Variants in ROS1 observed in about 807,000 individuals in gnomAD.
ROS1 encodes ROS proto-oncogene 1, receptor tyrosine kinase.
Under a neutral mutation model 273.5 loss-of-function variants are expected in ROS1, and 263 were observed. That is an observed-to-expected ratio of 0.96 (90% CI 0.87 to 1.06). The LOEUF is 1.06. ROS1 is among the 50% of genes least tolerant of loss of function. The pLI is 0.00. For missense variants in ROS1, 2,833 were observed against 2,751.1 expected (o/e 1.03, Z -0.67); for synonymous variants, 1,008 against 954.1 (o/e 1.06, Z -1.04).
intron 26 of ROS1, 86 bp from the exon 27 acceptor site, chr6:117,353,252 T>C: frequency 1.1e-6 from 1 of 915,076 alleles, no homozygotes. Flanking sequence ...TTTTTCTATA[T>C]TATAATTGCT....
At chr6:117,385,329 C>T (rs1200790309) in intron 16 of ROS1, among the ~76,000 whole-genome samples, 1 of 152,074 alleles carries the variant, frequency 6.6e-6, no homozygotes, top group Non-Finnish European at 1.5e-5. Context: ...CCGAGGCAGG[C>T]AGATCTCTTG....
intron 32 of ROS1, among the ~76,000 whole-genome samples, chr6:117,330,146 G>T (rs563915215): frequency 6.6e-6 from 1 of 152,232 alleles, no homozygotes; most frequent in Admixed American, 6.5e-5. Context: ...GAGCCAGCGA[G>T]GCTGGACAGC....
intron 20 of ROS1, 118 bp from the exon 21 acceptor site, chr6:117,365,322 G>T: frequency 8.9e-7 from 1 of 1,117,912 alleles, no homozygotes; most frequent in Non-Finnish European, 1.3e-6. Flanking sequence ...TTGCAATTTT[G>T]GAAGTGCTAA....
chr6:117,413,255 A>C (rs1775069167), intron 4 of ROS1, among the ~76,000 whole-genome samples: 3 of 152,196 alleles, frequency 2.0e-5, no homozygotes, highest in Admixed American at 6.5e-5. Context: ...AAAGAATACA[A>C]CATAGGTTTT....
At chr6:117,384,613 T>C (rs1426338341) in intron 16 of ROS1, among the ~76,000 whole-genome samples, 2 of 152,212 alleles carry the variant, frequency 1.3e-5, no homozygotes, top group Admixed American at 1.3e-4. Context: ...CAGGCCAATG[T>C]TCTTGTCATT....
chr6:117,407,041 T>C (rs1774466441), intron 5 of ROS1, among the ~76,000 whole-genome samples: 1 of 148,788 alleles, frequency 6.7e-6, no homozygotes, highest in African/African-American at 2.5e-5. Flanking sequence ...AAATATACAT[T>C]TTATCCACAG....
chr6:117,322,953 A>C (rs1776380716), intron 35 of ROS1, among the ~76,000 whole-genome samples: 1 of 152,206 alleles, frequency 6.6e-6, no homozygotes, highest in Non-Finnish European at 1.5e-5. Context: ...TTATGGGTTT[A>C]AACAATGGTG....
At position 117,310,146 on chromosome 6, in the gene ROS1, G is replaced by C. The variant is rs2128548187; in HGVS notation, c.6351C>G (p.Leu2117=). 1 of 1,613,486 alleles carries C rather than the reference G, an allele frequency of 6.2e-7. No individual in the cohort carries two copies. The highest frequency in any genetic ancestry group is 8.5e-7 in the Non-Finnish European group (1 of 1,179,646). ...DYYRKRGEGL[L]PVRWMAPESL... ...TTTCTGGAGCCATCCACCGAACTGGGAGCAGGCCTTCCCCTCTCTTTCTAT... is the reference window on the plus strand; with the variant it reads ...TTTCTGGAGCCATCCACCGAACTGGCAGCAGGCCTTCCCCTCTCTTTCTAT... Residue 2117 remains leucine, a synonymous_variant, in exon 41 of 44, where the codon CTC becomes CTG. Transcript: ENST00000368507.
At chr6:117,316,059 T>C (rs1242349723) in intron 39 of ROS1, among the ~76,000 whole-genome samples, 1 of 152,140 alleles carries the variant, frequency 6.6e-6, no homozygotes, top group African/African-American at 2.4e-5. Context: ...GTTCTAATAA[T>C]GCAAACCTGG....
At chr6:117,327,541 C>T (rs1471453552) in intron 33 of ROS1, among the ~76,000 whole-genome samples, 1 of 152,078 alleles carries the variant, frequency 6.6e-6, no homozygotes, top group Non-Finnish European at 1.5e-5. Flanking sequence ...TGTACTGGGG[C>T]TTTACATAAC....
At chr6:117,374,548 T>C (rs1448937547) in intron 18 of ROS1, among the ~76,000 whole-genome samples, 1 of 152,204 alleles carries the variant, frequency 6.6e-6, no homozygotes, top group Non-Finnish European at 1.5e-5. Flanking sequence ...GAAGAAACCC[T>C]TCTAGACATT....
At chr6:117,354,897 CAAGA>C (rs1779173552) in intron 26 of ROS1, among the ~76,000 whole-genome samples, 9 of 152,128 alleles carry the variant, frequency 5.9e-5, no homozygotes, top group African/African-American at 2.4e-5. Context: ...TTTTTATAGC[CAAGA>C]AACTGAGTGA....
chr6:117,356,619 A>T lies in ROS1; in HGVS notation c.4126+10T>A. On this transcript the variant is annotated intron_variant, in intron 26 of 43. Coordinates refer to ENST00000368507, the MANE Select transcript of ROS1 (RefSeq NM_001378902.1). ...TAACAAATATCTGTGCACATACATC[A>T]GCATCTTACCGAGCATAGCAGGTAC... is the stretch of plus-strand genomic sequence containing the variant. 1 of 1,604,742 alleles carries T rather than the reference A, an allele frequency of 6.2e-7. No homozygotes were observed. The highest frequency in any genetic ancestry group is 1.7e-4 in the Middle Eastern group (1 of 6,028).
chr6:117,305,626 A>C (rs4946251), intron 42 of ROS1, among the ~76,000 whole-genome samples: 45,362 of 152,136 alleles, frequency 0.3, 7,478 homozygotes, highest in East Asian at 0.43. Flanking sequence ...TATAAGCAAC[A>C]GTCATCTAAA....
At chr6:117,345,867 G>T (rs986861533) in intron 27 of ROS1, among the ~76,000 whole-genome samples, 1 of 152,128 alleles carries the variant, frequency 6.6e-6, no homozygotes, top group South Asian at 2.1e-4. Flanking sequence ...ATGCTGGTCT[G>T]GTCTGGGAAT....
chr6:117,349,101 T>C (rs1003966871), intron 27 of ROS1, among the ~76,000 whole-genome samples: 10 of 152,106 alleles, frequency 6.6e-5, no homozygotes, highest in African/African-American at 2.2e-4. Flanking sequence ...AATTAATTGA[T>C]GGTGTTATTG....
Position 117,387,900 on chromosome 6 carries a change from T to C in ROS1, c.1879A>G (p.Thr627Ala). 6.2e-7 allele frequency: 1 copy of C among 1,614,222 alleles called. No homozygotes were observed. The highest frequency in any genetic ancestry group is 8.5e-7 in the Non-Finnish European group (1 of 1,180,024). Residue 627 changes from threonine (T) to alanine (A), a missense_variant, in exon 14 of 44, where the codon ACC (threonine) becomes GCC (alanine). Thr to Ala is a moderately conservative substitution (Grantham distance 58). Coordinates refer to ENST00000368507, the MANE Select transcript of ROS1 (RefSeq NM_001378902.1). ...TGCAGCTCAGGTACATTCAGCATGG[T>C]TCCACTTATGTTCAAGAAAATATGA... Reference protein sequence around the residue: ...VTHIFLNISGTMLNVPELQSA... With the variant: ...VTHIFLNISGAMLNVPELQSA...
At chr6:117,297,943 C>T (rs1248300310) in intron 43 of ROS1, among the ~76,000 whole-genome samples, 1 of 152,082 alleles carries the variant, frequency 6.6e-6, no homozygotes, top group Admixed American at 6.5e-5. Context: ...CAGTACTACT[C>T]ATAATAGCAA....
At chr6:117,352,063 C>A (rs1325309711) in intron 27 of ROS1, among the ~76,000 whole-genome samples, 5 of 152,058 alleles carry the variant, frequency 3.3e-5, no homozygotes, top group Non-Finnish European at 7.4e-5. Flanking sequence ...GACAAAATAC[C>A]AATGAGGCCA....
Sources: allele counts gnomAD v4.1 joint callset (sites outside exome capture counted in the v4.1 genomes callset), GRCh38; gene constraint gnomAD v4.1.1; transcripts MANE v1.5; gene names NCBI Gene and HGNC (gene_info 2026-07-23, HGNC 2026-07-21).